SSH1: variants seen among roughly 807,000 people sequenced by gnomAD.
SSH1 encodes protein phosphatase Slingshot homolog 1.
A neutral mutation model predicts 79.7 loss-of-function variants in SSH1; 43 were observed. The observed-to-expected ratio is 0.54, with a 90% confidence interval of 0.42 to 0.70. The LOEUF (loss-of-function observed/expected upper bound fraction) is 0.70, where lower values mean the gene tolerates loss of function less well. SSH1 is among the 30% of genes least tolerant of loss of function. The pLI, the probability that SSH1 is intolerant of heterozygous loss-of-function variation, is 0.00. For synonymous variants in SSH1, 599 were observed against 538.3 expected, an observed-to-expected ratio of 1.11 and a Z score of -1.56; for missense variants, 1,206 against 1,358.8, an observed-to-expected ratio of 0.89 and a Z score of 1.77.
rs201601911 is a variant in SSH1 at position 108,807,665 on chromosome 12, C to T, written c.699G>A (p.Thr233=). 243 of 1,612,828 alleles carry T rather than the reference C, an allele frequency of 1.5e-4. No individual in the cohort carries two copies. The highest frequency in any genetic ancestry group is 1.9e-4 in the Non-Finnish European group (221 of 1,179,380). Residue 233 remains threonine, a synonymous_variant, in exon 8 of 15, where the codon ACG becomes ACA. Transcript: ENST00000326495. This position sits in a 1 kb window ranked among gnomAD's most constrained non-coding sequence, Gnocchi z 5.2. ...EWNAMQDLES[T]RPDSPALFVD... ...CAAATAGCGCGGGGGAGTCGGGCCG[C>T]GTAGACTCCAGGTCCTGCATGGCGT...
At chr12:108,796,509 G>C (rs73410914) in intron 13 of SSH1, among the ~76,000 whole-genome samples, 1 of 152,196 alleles carries the variant, frequency 6.6e-6, no homozygotes, top group African/African-American at 2.4e-5. Flanking sequence ...CATGACTGTC[G>C]TAGCCTGTGT....
chr12:108,838,457 C>G (rs961986546), intron 2 of SSH1, among the ~76,000 whole-genome samples: 2 of 152,196 alleles, frequency 1.3e-5, no homozygotes, highest in Non-Finnish European at 2.9e-5. Flanking sequence ...TTAGCATTTT[C>G]CTGCTCGGAG....
rs764064471 is a variant in SSH1 at position 108,818,321 on chromosome 12, A to G, written c.215-8T>C. On this transcript the variant is annotated splice_region_variant and splice_polypyrimidine_tract_variant and intron_variant, in intron 3 of 14. Transcript: ENST00000326495. ...GATGTTGAGGCAGATCACCTGTTGG[A>G]CCAATAAAGAAAGCTTTAAAAGGTC... is the stretch of plus-strand genomic sequence containing the variant. 6.2e-7 allele frequency: 1 copy of G among 1,613,612 alleles called. No homozygotes were observed. Among genetic ancestry groups the G allele is most frequent in the Admixed American group, 1.7e-5 (1 of 60,024 alleles).
At chr12:108,800,153 T>G (rs960950026) in intron 12 of SSH1, among the ~76,000 whole-genome samples, 3 of 152,212 alleles carry the variant, frequency 2.0e-5, no homozygotes. Flanking sequence ...AGGGTGATTG[T>G]CTTGACAGCA....
chr12:108,857,246 G>C lies in SSH1; in HGVS notation c.69+182C>G, dbSNP rs75071790. Reference sequence around the variant, plus strand: ...AGTCCCCGCACAGCTCCCCAAGACAGGGTCACATCGCACACAGTCCTCGCA... The same window carrying C: ...AGTCCCCGCACAGCTCCCCAAGACACGGTCACATCGCACACAGTCCTCGCA... On this transcript the variant is annotated intron_variant, in intron 1 of 14. Coordinates refer to ENST00000326495, the MANE Select transcript of SSH1 (RefSeq NM_018984.4). The surrounding 1 kb of genome is among the most constrained non-coding windows in gnomAD (Gnocchi z 4.7). 0.029 allele frequency among the ~76,000 whole-genome samples: 4,455 copies of C among 152,188 alleles called. 157 individuals are homozygous for C. The highest frequency in any genetic ancestry group is 0.082 in the African/African-American group (3,424 of 41,562).
At chr12:108,816,809 T>C (rs188919480) in intron 5 of SSH1, among the ~76,000 whole-genome samples, 102 of 53,318 alleles carry the variant, frequency 1.9e-3, no homozygotes, top group African/African-American at 8.7e-3. Flanking sequence ...CATAACTTTC[T>C]GTCCTCTCAA....
chr12:108,827,036 G>A (rs1201930961), intron 2 of SSH1, among the ~76,000 whole-genome samples: 1 of 149,434 alleles, frequency 6.7e-6, no homozygotes, highest in Non-Finnish European at 1.5e-5. Flanking sequence ...CTCTCTACCC[G>A]CCAACTGGAA....
rs1295169004 is a variant in SSH1, at chr12:108,833,869, G to T, written c.111-10508C>A. The stretch of plus-strand genomic sequence containing the variant: ...CTGTGGTATAGGACAGCAGAGCTCC[G>T]GAAGCTTTTGGCCTGGTGAGAAGAA... On this transcript the variant is annotated intron_variant, in intron 2 of 14. Coordinates refer to ENST00000326495, the MANE Select transcript of SSH1 (RefSeq NM_018984.4). 9 of 152,318 alleles carry T rather than the reference G, an allele frequency of 5.9e-5. No individual in the cohort carries two copies. In the East Asian group the frequency reaches 1.4e-3, roughly 23 times the overall value. 9.4% of individuals were successfully genotyped at this position (152,318 alleles called of 1,614,324 possible). A position where few individuals can be genotyped will look rare whatever the true frequency, so the allele number is the denominator to read the frequency against.
chr12:108,789,578 A>AGT (rs1241274725), intron 14 of SSH1, among the ~76,000 whole-genome samples: 1 of 152,188 alleles, frequency 6.6e-6, no homozygotes, highest in Non-Finnish European at 1.5e-5. Context: ...GCCAACTGAC[A>AGT]GGTACCCAGT....
chr12:108,791,798 T>C, intron 14 of SSH1: 2 of 316,390 alleles, frequency 6.3e-6, no homozygotes, highest in Non-Finnish European at 1.0e-5. Flanking sequence ...ACCTATAATA[T>C]ATATTTTTTA....
intron 13 of SSH1, 70 bp downstream of exon 13, chr12:108,798,930 G>A (rs1336716509): frequency 6.4e-7 from 1 of 1,561,850 alleles, no homozygotes; most frequent in African/African-American, 1.3e-5. Flanking sequence ...GCCGACAGAG[G>A]CCTGGCTGGC....
intron 2 of SSH1, among the ~76,000 whole-genome samples, chr12:108,824,341 G>C (rs1358062613): frequency 6.6e-6 from 1 of 152,090 alleles, no homozygotes; most frequent in Non-Finnish European, 1.5e-5. Flanking sequence ...CTACTCAGAA[G>C]GCTGAGGCAC....
chr12:108,823,441 GC>G, intron 2 of SSH1, 80 bp from the exon 3 acceptor site: 2 of 1,170,072 alleles, frequency 1.7e-6, no homozygotes, highest in Non-Finnish European at 2.5e-6. Flanking sequence ...AGGGGAAAAA[GC>G]TTTAGCGTGG....
chr12:108,798,204 CA>C (rs34223606), intron 13 of SSH1, among the ~76,000 whole-genome samples: 2 of 152,068 alleles, frequency 1.3e-5, no homozygotes, highest in African/African-American at 4.8e-5. Flanking sequence ...TCACGTGTCC[CA>C]AAAAGGGGTC....
intron 3 of SSH1, among the ~76,000 whole-genome samples, chr12:108,819,296 C>G (rs564286717): frequency 6.6e-6 from 1 of 152,242 alleles, no homozygotes; most frequent in African/African-American, 2.4e-5. Flanking sequence ...CTGAGCTGCC[C>G]CAGGGTTCAG....
intron 1 of SSH1, among the ~76,000 whole-genome samples, chr12:108,855,714 T>C (rs1448491859): frequency 6.6e-6 from 1 of 152,154 alleles, no homozygotes; most frequent in Admixed American, 6.5e-5. Context: ...AAACAGCCCC[T>C]CCTCGCTGTG....
rs1440033290 is a variant in SSH1 at position 108,786,133 on chromosome 12, T to C, written c.*1855A>G. On this transcript the variant is annotated 3_prime_UTR_variant, in exon 15 of 15. Transcript: ENST00000326495. ...TCCTGGGGTGCTTTCTAGAATAGCT[T>C]TGGGGAACACAGTTCTGGCCAATGT... is the stretch of plus-strand genomic sequence containing the variant. 2 of 152,240 alleles carry C rather than the reference T, an allele frequency of 1.3e-5. No homozygotes were observed. Among genetic ancestry groups the C allele is most frequent in the Non-Finnish European group, 2.9e-5 (2 of 68,042 alleles). 9.4% of individuals were successfully genotyped at this position (152,240 alleles called of 1,614,324 possible).
At chr12:108,856,438 G>A (rs1049893761) in intron 1 of SSH1, among the ~76,000 whole-genome samples, 4 of 152,204 alleles carry the variant, frequency 2.6e-5, no homozygotes, top group Admixed American at 6.5e-5. Flanking sequence ...CACAGTGCCA[G>A]GACACGCAAC....
intron 13 of SSH1, among the ~76,000 whole-genome samples, chr12:108,794,096 AC>A (rs1387015399): frequency 6.6e-6 from 1 of 152,092 alleles, no homozygotes; most frequent in Non-Finnish European, 1.5e-5. Context: ...TGTTCTCTGG[AC>A]CCTGTTTAAC....
Sources: allele counts gnomAD v4.1 joint callset (sites outside exome capture counted in the v4.1 genomes callset), GRCh38; gene constraint gnomAD v4.1.1; non-coding constraint Gnocchi (gnomAD v3.1); transcripts MANE v1.5; gene names NCBI Gene and HGNC (gene_info 2026-07-23, HGNC 2026-07-21).